The following MARCHF4 variants were observed in gnomAD, a reference collection of about 807,000 sequenced individuals.
The protein encoded by MARCHF4 is membrane associated ring-CH-type finger 4.
MARCHF4 carries 14 observed loss-of-function variants against 43.9 expected under a neutral mutation model. The observed-to-expected ratio is 0.32, with a 90% CI of 0.21 to 0.50. The LOEUF is 0.50. MARCHF4 is among the 20% of genes least tolerant of loss of function. The pLI is 0.98. For synonymous variants in MARCHF4, 226 were observed against 213.3 expected (o/e 1.06, Z -0.52); for missense variants, 468 against 536.7 (o/e 0.87, Z 1.27).
intron 3 of MARCHF4, among the ~76,000 whole-genome samples, chr2:216,272,050 A>G (rs1338599238): frequency 6.8e-6 from 1 of 147,074 alleles, no homozygotes; most frequent in Non-Finnish European, 1.5e-5. Flanking sequence ...AGGCTTAGAG[A>G]TCTCTAAAAA....
rs141152030 is a variant in MARCHF4 at position 216,338,082 on chromosome 2, G to A, written c.516+31663C>T. 1.9e-4 allele frequency among the ~76,000 whole-genome samples: 29 copies of A among 152,308 alleles called. No homozygotes were observed. The East Asian group carries it at 3.9e-3, about 20-fold the overall frequency. On this transcript the variant is annotated intron_variant, in intron 1 of 3. Transcript: ENST00000273067. ...TGGATCCTGGAGGAGGGAACATGAT[G>A]AGCCCACAGTTATTGGCTATGACCA...
At position 216,283,584 on chromosome 2, in the gene MARCHF4, T is replaced by C; in HGVS notation, c.662A>G (p.Asn221Ser). Residue 221 changes from asparagine (N) to serine (S), a missense_variant, in exon 2 of 4, where the codon AAT becomes AGT. Physicochemically the swap from Asn to Ser is conservative, Grantham distance 46. This residue lies in a region of MARCHF4 where 158 missense variants were observed against 251.1 expected (regional missense o/e 0.63). Transcript: ENST00000273067. ...AGCCCTGGGTTGTACCTGCAGAGGA[T>C]TTTTTGTGCTTATGGCGATGACGTG... The part of the protein sequence containing the change: ...KYHVIAISTK[N>S]PLQWQAISLT... 2 of 1,602,796 alleles carry C rather than the reference T, an allele frequency of 1.2e-6. No individual in the cohort carries two copies. Among genetic ancestry groups the C allele is most frequent in the Non-Finnish European group, 1.7e-6 (2 of 1,170,806 alleles).
Position 216,364,429 on chromosome 2 carries a change from C to T in MARCHF4, c.516+5316G>A, listed in dbSNP as rs115058928. ...CTCCCCTTAGACCCAGGCAAGAGAA[C>T]CCCTAGCTCTAGAGGACCCCACTCT... is the stretch of plus-strand genomic sequence containing the variant. On this transcript the variant is annotated intron_variant, in intron 1 of 3. Transcript: ENST00000273067. Among the ~76,000 whole-genome samples, 130 of 152,250 alleles carry T rather than the reference C, an allele frequency of 8.5e-4. 1 individual carries two copies. Among genetic ancestry groups the T allele is most frequent in the Non-Finnish European group, 1.4e-3 (94 of 68,030 alleles).
chr2:216,305,093 TA>T (rs148294316), intron 1 of MARCHF4, among the ~76,000 whole-genome samples: 10,419 of 149,758 alleles, frequency 0.07, 1,177 homozygotes, highest in African/African-American at 0.24. Context: ...CCCACTGCAT[TA>T]AAAAAAAAAT....
chr2:216,320,072 T>C (rs971771228), intron 1 of MARCHF4, among the ~76,000 whole-genome samples: 6 of 152,066 alleles, frequency 3.9e-5, no homozygotes, highest in South Asian at 4.2e-4. Flanking sequence ...ATGGGTGGTG[T>C]TAAAGGGAAA....
At chr2:216,293,766 AAAG>A (rs1319132491) in intron 1 of MARCHF4, among the ~76,000 whole-genome samples, 2 of 135,898 alleles carry the variant, frequency 1.5e-5, no homozygotes, top group African/African-American at 4.9e-5. Flanking sequence ...CCAGTACTAG[AAAG>A]AAGAACTTAG....
At chr2:216,290,374 G>A (rs1343338409) in intron 1 of MARCHF4, among the ~76,000 whole-genome samples, 3 of 152,194 alleles carry the variant, frequency 2.0e-5, no homozygotes, top group Admixed American at 1.3e-4. Context: ...GTATGTTCTA[G>A]GGGAACCAAA....
chr2:216,260,549 A>C (rs1377571934), intron 3 of MARCHF4, among the ~76,000 whole-genome samples: 1 of 152,176 alleles, frequency 6.6e-6, no homozygotes, highest in Non-Finnish European at 1.5e-5. Flanking sequence ...ACTTCGGTGG[A>C]AGGAACTCCA....
intron 1 of MARCHF4, among the ~76,000 whole-genome samples, chr2:216,335,444 C>T (rs1450427282): frequency 6.6e-6 from 1 of 152,104 alleles, no homozygotes; most frequent in Non-Finnish European, 1.5e-5. Flanking sequence ...TTGAGGTTAA[C>T]ACACAATCTG....
At chr2:216,270,075 C>T (rs1690908764) in intron 3 of MARCHF4, among the ~76,000 whole-genome samples, 1 of 131,284 alleles carries the variant, frequency 7.6e-6, no homozygotes, top group Non-Finnish European at 1.8e-5. Context: ...TAGGCATCCA[C>T]CAGAAATTTT....
At chr2:216,314,157 T>A (rs764499886) in intron 1 of MARCHF4, among the ~76,000 whole-genome samples, 1 of 152,200 alleles carries the variant, frequency 6.6e-6, no homozygotes, top group African/African-American at 2.4e-5. Flanking sequence ...AAATTCTAGA[T>A]GGATTTAGCA....
intron 2 of MARCHF4, among the ~76,000 whole-genome samples, chr2:216,282,895 G>T (rs1004040081): frequency 6.6e-6 from 1 of 152,022 alleles, no homozygotes; most frequent in African/African-American, 2.4e-5. Context: ...TCCCTCTCCT[G>T]TTTCTTCTGT....
chr2:216,329,901 C>T (rs77539904), intron 1 of MARCHF4, among the ~76,000 whole-genome samples: 2 of 151,764 alleles, frequency 1.3e-5, no homozygotes, highest in East Asian at 3.9e-4. Flanking sequence ...GCCTGGGTAG[C>T]ATTGTGACAC....
chr2:216,356,394 G>A (rs1028820311), intron 1 of MARCHF4, among the ~76,000 whole-genome samples: 1 of 152,182 alleles, frequency 6.6e-6, no homozygotes, highest in South Asian at 2.1e-4. Context: ...GACCAGAAAG[G>A]GAACTAATAC....
At chr2:216,261,960 A>G (rs1249896919) in intron 3 of MARCHF4, among the ~76,000 whole-genome samples, 1 of 152,212 alleles carries the variant, frequency 6.6e-6, no homozygotes, top group Non-Finnish European at 1.5e-5. Context: ...ACTCTTTACA[A>G]TGTTATCAAG....
intron 1 of MARCHF4, among the ~76,000 whole-genome samples, chr2:216,320,657 TTCTTTCTTTCTTTC>T (rs1559098614): frequency 1.6e-5 from 2 of 121,962 alleles, no homozygotes; most frequent in Non-Finnish European, 3.2e-5. Flanking sequence ...CTTTCTTTCT[TTCTTTCTTTCTTTC>T]TTTCTTTTTT....
chr2:216,313,351 T>C (rs925364577), intron 1 of MARCHF4, among the ~76,000 whole-genome samples: 1 of 152,250 alleles, frequency 6.6e-6, no homozygotes, highest in Non-Finnish European at 1.5e-5. Flanking sequence ...CTTTGATTAT[T>C]AGTAAAGTTG....
intron 3 of MARCHF4, among the ~76,000 whole-genome samples, chr2:216,274,737 A>G (rs1014365691): frequency 1.3e-5 from 2 of 152,250 alleles, no homozygotes; most frequent in Admixed American, 6.5e-5. Flanking sequence ...TTCCTATGAA[A>G]ACCCTGAACT....
intron 3 of MARCHF4, among the ~76,000 whole-genome samples, chr2:216,260,492 T>G (rs562142455): frequency 1.3e-5 from 2 of 152,258 alleles, no homozygotes; most frequent in East Asian, 3.9e-4. Context: ...GAGTTGAGAC[T>G]TAAGTGATGA....
Sources: gnomAD v4.1 joint callset for allele counts (sites outside exome capture counted in the v4.1 genomes callset) on GRCh38, gnomAD v4.1.1 for gene constraint, gnomAD v4.1.1 regional missense constraint, MANE v1.5 for transcripts, NCBI Gene and HGNC (gene_info 2026-07-23, HGNC 2026-07-21) for gene names.